PCDH11X: variants seen among roughly 807,000 people sequenced by gnomAD.
The protein encoded by PCDH11X is protocadherin-11 X-linked.
A neutral mutation model predicts 53.3 loss-of-function variants in PCDH11X; 18 were observed. That is an observed-to-expected ratio of 0.34 (90% CI 0.23 to 0.50). The LOEUF (loss-of-function observed/expected upper bound fraction) is 0.50, where lower values mean the gene tolerates loss of function less well. Ranked by LOEUF, PCDH11X falls within the 20% of genes least tolerant of loss-of-function variation. PCDH11X has a pLI of 0.98. For synonymous variants in PCDH11X, 279 were observed against 393.3 expected (o/e 0.71, Z 3.44); for missense variants, 570 against 1,032.4 (o/e 0.55, Z 6.14).
chrX:92,095,038 A>C (rs1229377724), intron 6 of PCDH11X, among the ~76,000 whole-genome samples: 1 of 111,208 alleles, frequency 9.0e-6, no homozygotes, highest in East Asian at 2.8e-4. Flanking sequence ...CGGAGCAACA[A>C]GTGAATTCTG....
At chrX:92,567,742 A>C (rs1241291170) in intron 10 of PCDH11X, among the ~76,000 whole-genome samples, 2 of 108,009 alleles carry the variant, frequency 1.9e-5, no homozygotes, top group Non-Finnish European at 3.8e-5. Context: ...TTACCCATTC[A>C]GTATTATATT....
chrX:92,116,281 T>C (rs1238698334), intron 6 of PCDH11X, among the ~76,000 whole-genome samples: 4 of 112,162 alleles, frequency 3.6e-5, no homozygotes, highest in African/African-American at 1.3e-4. Flanking sequence ...TAGCCTATAA[T>C]ATTTATTTAA....
At chrX:92,405,843 C>G (rs944723143) in intron 9 of PCDH11X, among the ~76,000 whole-genome samples, 4 of 110,976 alleles carry the variant, frequency 3.6e-5, no homozygotes, top group South Asian at 7.6e-4. Flanking sequence ...GCCTGTAATC[C>G]CAGCACTTTG....
chrX:92,232,330 TAACA>T (rs1370957368), intron 7 of PCDH11X, among the ~76,000 whole-genome samples: 3 of 111,429 alleles, frequency 2.7e-5, no homozygotes, highest in African/African-American at 9.8e-5. Context: ...CTGTGCGGTC[TAACA>T]GTCAAGACTA....
At chrX:92,262,846 T>A (rs1275868743) in intron 7 of PCDH11X, among the ~76,000 whole-genome samples, 1 of 111,393 alleles carries the variant, frequency 9.0e-6, no homozygotes, top group African/African-American at 3.3e-5. Context: ...ATATTTTTTG[T>A]GCCAATTGAA....
intron 10 of PCDH11X, among the ~76,000 whole-genome samples, chrX:92,590,236 G>A (rs778885100): frequency 9.1e-6 from 1 of 110,460 alleles, no homozygotes; most frequent in Admixed American, 9.6e-5. Flanking sequence ...GATGATTTGA[G>A]TATAAACTCT....
chrX:92,315,748 C>A (rs2069060585), intron 8 of PCDH11X, among the ~76,000 whole-genome samples: 1 of 107,494 alleles, frequency 9.3e-6, no homozygotes, highest in Admixed American at 1.0e-4. Context: ...GTTGCCCAGG[C>A]TGGTCCTGAA....
intron 6 of PCDH11X, among the ~76,000 whole-genome samples, chrX:92,014,770 C>T (rs1045964873): frequency 4.5e-5 from 5 of 111,243 alleles, no homozygotes; most frequent in Admixed American, 9.6e-5. Context: ...TCAATCTCAG[C>T]AAACTATCGC....
intron 6 of PCDH11X, among the ~76,000 whole-genome samples, chrX:92,153,534 T>G (rs1335047584): frequency 8.9e-6 from 1 of 111,799 alleles, no homozygotes; most frequent in African/African-American, 3.3e-5. Context: ...TGAAGTGGTT[T>G]CAGATATTTC....
intron 7 of PCDH11X, among the ~76,000 whole-genome samples, chrX:92,248,819 T>C (rs1228000801): frequency 9.0e-6 from 1 of 110,892 alleles, no homozygotes; most frequent in African/African-American, 3.3e-5. Context: ...TCTCTGCCTC[T>C]GCCTCCTGAG....
intron 8 of PCDH11X, among the ~76,000 whole-genome samples, chrX:92,378,600 A>C (rs1004108151): frequency 9.0e-6 from 1 of 111,380 alleles, no homozygotes; most frequent in African/African-American, 3.3e-5. Context: ...TATAAACAAC[A>C]TAAATTTATT....
chrX:91,842,019 C>G (rs1418605617), intron 5 of PCDH11X, among the ~76,000 whole-genome samples: 2 of 93,115 alleles, frequency 2.1e-5, no homozygotes, highest in Admixed American at 2.6e-4. Context: ...ATGATTTTAC[C>G]AGGGTATGAG....
intron 5 of PCDH11X, among the ~76,000 whole-genome samples, chrX:91,864,719 G>A (rs1938874119): frequency 9.6e-6 from 1 of 104,231 alleles, no homozygotes; most frequent in Non-Finnish European, 2.0e-5. Flanking sequence ...TTGTTCTTTT[G>A]TCTCCTCTGT....
intron 6 of PCDH11X, among the ~76,000 whole-genome samples, chrX:92,121,912 G>A (rs1351876925): frequency 3.7e-5 from 4 of 106,794 alleles, no homozygotes; most frequent in Admixed American, 2.1e-4. Context: ...TTTTAGTAGA[G>A]ATGGGGTTTC....
chrX:91,805,764 T>C (rs764894857), intron 1 of PCDH11X, among the ~76,000 whole-genome samples: 14 of 108,661 alleles, frequency 1.3e-4, no homozygotes, highest in African/African-American at 4.4e-4. Context: ...AGTTAGAGGC[T>C]TCAGTGAGCC....
intron 9 of PCDH11X, among the ~76,000 whole-genome samples, chrX:92,421,128 T>G (rs2071956009): frequency 1.8e-5 from 2 of 111,674 alleles, no homozygotes; most frequent in Admixed American, 1.9e-4. Flanking sequence ...TGTGTTTTGT[T>G]TTTTAACTTT....
chrX:92,271,002 C>T (rs769380509), intron 8 of PCDH11X, among the ~76,000 whole-genome samples: 2 of 111,460 alleles, frequency 1.8e-5, no homozygotes, highest in South Asian at 3.8e-4. Context: ...GCTTAACTAC[C>T]GCGATTCTCT....
chrX:92,188,344 G>A (rs2066135009), intron 6 of PCDH11X, among the ~76,000 whole-genome samples: 1 of 111,622 alleles, frequency 9.0e-6, no homozygotes, highest in Admixed American at 9.6e-5. Context: ...ATAAGGCATT[G>A]ACACTGAGGA....
intron 6 of PCDH11X, among the ~76,000 whole-genome samples, chrX:92,188,984 G>A (rs2066145871): frequency 9.0e-6 from 1 of 111,410 alleles, no homozygotes; most frequent in African/African-American, 3.3e-5. Flanking sequence ...TGTAAGCAAA[G>A]TTTAATCTAG....
Sources: gnomAD v4.1 joint callset for allele counts (sites outside exome capture counted in the v4.1 genomes callset) on GRCh38, gnomAD v4.1.1 for gene constraint, MANE v1.5 for transcripts, NCBI Gene and HGNC (gene_info 2026-07-23, HGNC 2026-07-21) for gene names.